The following OPN3 variants were observed in gnomAD, a reference collection of about 807,000 sequenced individuals.
OPN3 encodes the protein opsin-3.
Under a neutral mutation model 33.8 loss-of-function variants are expected in OPN3, and 29 were observed. That is an observed-to-expected ratio of 0.86 (90% CI 0.64 to 1.17). OPN3 has a LOEUF of 1.17. Ranked by LOEUF, OPN3 falls within the 50% of genes most tolerant of loss-of-function variation. The probability of loss-of-function intolerance (pLI) is 0.00; values close to 1 mark genes in which losing one functional copy is unlikely to be tolerated. For missense variants in OPN3, 437 were observed against 514.1 expected, an observed-to-expected ratio of 0.85 and a Z score of 1.45; for synonymous variants, 216 against 216.1, an observed-to-expected ratio of 1.00 and a Z score of 0.00.
chr1:241,639,305 G>T (rs1020350036), intron 1 of OPN3: 2 of 152,180 alleles, frequency 1.3e-5, no homozygotes, highest in Non-Finnish European at 2.9e-5. Context: ...GCATTCTGAG[G>T]ACCTGAATGA....
intron 1 of OPN3, chr1:241,635,560 C>T: frequency 6.2e-7 from 1 of 1,614,034 alleles, no homozygotes; most frequent in East Asian, 2.2e-5. Context: ...TACTTTCTTC[C>T]CCAATGTCAT....
chr1:241,640,132 G>C lies in OPN3; in HGVS notation c.123C>G (p.Tyr41Ter), dbSNP rs1402504626. 6.3e-7 allele frequency: 1 copy of C among 1,593,066 alleles called. No homozygotes were observed. Among genetic ancestry groups the C allele is most frequent in the Non-Finnish European group, 8.5e-7 (1 of 1,171,434 alleles). The change falls in exon 1 of 4, where the codon TAC becomes TAG. Residue 41 changes from tyrosine to a stop codon, truncating the protein, a stop_gained. Transcript: ENST00000366554. LOFTEE classifies it high-confidence loss of function. ...SPAPLFSPGT[Y>*]ERLALLLGSI... ...AGCCCAGCAGCAGCGCCAGGCGCTC[G>C]TAGGTGCCGGGGCTGAAGAGGGGCG...
intron 2 of OPN3, among the ~76,000 whole-genome samples, chr1:241,598,943 T>C (rs935333739): frequency 6.6e-6 from 1 of 152,150 alleles, no homozygotes; most frequent in African/African-American, 2.4e-5. Flanking sequence ...TGCCTGGAAA[T>C]TTACTGCATT....
chr1:241,635,693 G>C, intron 1 of OPN3: 1 of 1,613,996 alleles, frequency 6.2e-7, no homozygotes, highest in African/African-American at 1.3e-5. Context: ...TGAACATGCA[G>C]CTGCAAGGAT....
At chr1:241,602,076 AAGG>A (rs1663693381) in intron 2 of OPN3, among the ~76,000 whole-genome samples, 2 of 152,206 alleles carry the variant, frequency 1.3e-5, no homozygotes, top group African/African-American at 4.8e-5. Context: ...CTTGTGTCAG[AAGG>A]AGAAATCCTG....
chr1:241,605,708 G>T (rs779742940), intron 1 of OPN3, among the ~76,000 whole-genome samples: 1 of 152,200 alleles, frequency 6.6e-6, no homozygotes, highest in Non-Finnish European at 1.5e-5. Flanking sequence ...GGAAGCATTT[G>T]CACACAAGGC....
Position 241,604,418 on chromosome 1 carries a change from A to G in OPN3, c.535T>C (p.Tyr179His). 6.2e-7 allele frequency: 1 copy of G among 1,614,176 alleles called. No homozygotes were observed. Among genetic ancestry groups the G allele is most frequent in the Non-Finnish European group, 8.5e-7 (1 of 1,180,042 alleles). ...AGAPLLGWNR[Y>H]ILDVHGLGCT... The stretch of plus-strand genomic sequence containing the variant: ...CCTAGTCCGTGTACGTCCAGGATGT[A>G]CCTGTTCCATCCCAGGAGAGGTGCT... The change falls in exon 2 of 4, where the codon TAC becomes CAC. Residue 179 changes from tyrosine to histidine, a missense_variant. By Grantham distance (83) the Tyr-to-His change is moderately conservative. Transcript: ENST00000366554.
In OPN3 at chr1:241,604,239, C is replaced by A. The variant is rs1278868543; in HGVS notation, c.693+21G>T. 3.1e-6 allele frequency: 5 copies of A among 1,601,528 alleles called. No individual in the cohort carries two copies. In the East Asian group the frequency reaches 8.9e-5, roughly 29 times the overall value. ...CCCTGGATGTGGTTTGGGAGGGGGG[C>A]ATCTGTAGTCTTCAACTCACCATTC... On this transcript the variant is annotated intron_variant, in intron 2 of 3. Coordinates refer to ENST00000366554, the MANE Select transcript of OPN3 (RefSeq NM_014322.3).
At chr1:241,622,534 A>AAT (rs1664293063) in intron 1 of OPN3, among the ~76,000 whole-genome samples, 1 of 152,214 alleles carries the variant, frequency 6.6e-6, no homozygotes, top group Non-Finnish European at 1.5e-5. Flanking sequence ...TCCTCTGTGT[A>AAT]CCTACTGGCC....
chr1:241,635,498 CGAAG>C (rs1558448260), intron 1 of OPN3: 11 of 1,613,782 alleles, frequency 6.8e-6, no homozygotes, highest in Non-Finnish European at 9.3e-6. Context: ...ATCCTTCTTG[CGAAG>C]AGTGATGGCT....
At chr1:241,619,317 A>G (rs1573960276) in intron 1 of OPN3, among the ~76,000 whole-genome samples, 1 of 152,300 alleles carries the variant, frequency 6.6e-6, no homozygotes, top group East Asian at 1.9e-4. Context: ...AGGTAATACT[A>G]TGCACAAGGC....
At chr1:241,604,604 T>A in intron 1 of OPN3, 25 bp from the exon 2 acceptor site, 2 of 1,591,574 alleles carry the variant, frequency 1.3e-6, no homozygotes, top group Non-Finnish European at 1.7e-6. Flanking sequence ...AGTGGAAAAG[T>A]ATAGCATGGT....
intron 1 of OPN3, among the ~76,000 whole-genome samples, chr1:241,619,703 G>C (rs1664226502): frequency 6.6e-6 from 1 of 152,240 alleles, no homozygotes; most frequent in African/African-American, 2.4e-5. Context: ...GTTTCATCAT[G>C]AAACAGACTG....
rs756079102 is a variant in OPN3, at chr1:241,635,430, C to T, written c.373+4452G>A. The T allele has an allele frequency of 2.4e-5, 38 of 1,613,978 alleles. No individual in the cohort carries two copies. The highest frequency in any genetic ancestry group is 2.8e-5 in the Non-Finnish European group (33 of 1,179,948). On this transcript the variant is annotated intron_variant, in intron 1 of 3. Transcript: ENST00000366554. ...TTCTGCAGAGCACCAATCTCTTCAA[C>T]GTTGTCCTCCATATCCTGACTGGCG... is the stretch of plus-strand genomic sequence containing the variant.
At chr1:241,637,776 C>T (rs955511881) in intron 1 of OPN3, among the ~76,000 whole-genome samples, 8 of 152,062 alleles carry the variant, frequency 5.3e-5, no homozygotes, top group Non-Finnish European at 8.8e-5. Context: ...TGAGAAAGCC[C>T]GCACAATGCA....
At chr1:241,624,697 C>T (rs1456221844) in intron 1 of OPN3, among the ~76,000 whole-genome samples, 3 of 152,152 alleles carry the variant, frequency 2.0e-5, no homozygotes, top group South Asian at 2.1e-4. Context: ...TGAGATAAAA[C>T]GTGTGAAGAA....
chr1:241,604,669 A>T (rs1024873357), intron 1 of OPN3, 90 bp from the exon 2 acceptor site: 10 of 1,173,834 alleles, frequency 8.5e-6, no homozygotes, highest in African/African-American at 1.5e-5. Flanking sequence ...GAAATACCTT[A>T]CAGAGTATCT....
chr1:241,629,155 T>C (rs1418031572), intron 1 of OPN3: 1 of 152,454 alleles, frequency 6.6e-6, no homozygotes, highest in Admixed American at 6.5e-5. Flanking sequence ...TCGTTGGGCT[T>C]TTTTCCCCCT....
At position 241,604,167 on chromosome 1, in the gene OPN3, C is replaced by T. The variant is rs923723852; in HGVS notation, c.693+93G>A. Reference sequence around the variant, plus strand: ...GAACTGCTCTACCTCTGGGCAACTACTGATGACATAGGAAGACTTTCATTA... The same window carrying T: ...GAACTGCTCTACCTCTGGGCAACTATTGATGACATAGGAAGACTTTCATTA... On this transcript the variant is annotated intron_variant, in intron 2 of 3. Coordinates refer to ENST00000366554, the MANE Select transcript of OPN3 (RefSeq NM_014322.3). 1.0e-5 allele frequency: 12 copies of T among 1,178,152 alleles called. No individual in the cohort carries two copies. In the African/African-American group the frequency reaches 1.7e-4, roughly 16 times the overall value. 73.0% of individuals were successfully genotyped at this position (1,178,152 alleles called of 1,614,324 possible).
Sources: allele counts gnomAD v4.1 joint callset (sites outside exome capture counted in the v4.1 genomes callset), GRCh38; gene constraint gnomAD v4.1.1; transcripts MANE v1.5; gene names NCBI Gene and HGNC (gene_info 2026-07-23, HGNC 2026-07-21).